Variants in ZFPM2 observed in about 807,000 individuals in gnomAD.
The protein encoded by ZFPM2 is zinc finger protein ZFPM2.
A neutral mutation model predicts 98.6 loss-of-function variants in ZFPM2; 20 were observed. That is an observed-to-expected ratio of 0.20 (90% CI 0.14 to 0.29). The LOEUF (loss-of-function observed/expected upper bound fraction) is 0.29. Ranked by LOEUF, ZFPM2 falls within the 10% of genes least tolerant of loss-of-function variation. The probability of loss-of-function intolerance (pLI) is 1.00; values close to 1 mark genes in which losing one functional copy is unlikely to be tolerated. For synonymous variants in ZFPM2, 518 were observed against 502.7 expected (o/e 1.03, Z -0.41); for missense variants, 1,310 against 1,388.6 (o/e 0.94, Z 0.90).
chr8:105,408,202 A>C (rs1039761222), intron 1 of ZFPM2, among the ~76,000 whole-genome samples: 2 of 151,942 alleles, frequency 1.3e-5, no homozygotes, highest in African/African-American at 4.8e-5. Flanking sequence ...TCCAGAGAGT[A>C]AGTGTTCTTC....
intron 5 of ZFPM2, among the ~76,000 whole-genome samples, chr8:105,682,292 G>A (rs568222309): frequency 2.0e-5 from 3 of 152,084 alleles, no homozygotes; most frequent in Non-Finnish European, 4.4e-5. Context: ...CATCATTCTC[G>A]TGTCATTTGA....
chr8:105,432,747 G>T (rs946346725), intron 2 of ZFPM2, among the ~76,000 whole-genome samples: 6 of 152,108 alleles, frequency 3.9e-5, no homozygotes, highest in African/African-American at 1.4e-4. Context: ...TAGGGGAAGG[G>T]ATAATAAAAA....
intron 3 of ZFPM2, among the ~76,000 whole-genome samples, chr8:105,462,170 G>T (rs6995975): frequency 0.64 from 97,201 of 151,888 alleles, 31,136 homozygotes; most frequent in East Asian, 0.78. Context: ...AACTCATCAT[G>T]TATGTGTCTT....
intron 5 of ZFPM2, among the ~76,000 whole-genome samples, chr8:105,743,745 C>G (rs1449474338): frequency 1.3e-5 from 2 of 152,054 alleles, no homozygotes; most frequent in East Asian, 3.9e-4. Flanking sequence ...AAATGCTCTT[C>G]CTTTAAGTTA....
intron 1 of ZFPM2, among the ~76,000 whole-genome samples, chr8:105,321,948 T>TTA (rs2130644026): frequency 6.6e-6 from 1 of 152,310 alleles, no homozygotes; most frequent in South Asian, 2.1e-4. Flanking sequence ...GATTTCCTGA[T>TTA]AATACAGTGA....
At chr8:105,480,127 G>A (rs185926676) in intron 3 of ZFPM2, among the ~76,000 whole-genome samples, 10 of 152,222 alleles carry the variant, frequency 6.6e-5, no homozygotes, top group South Asian at 4.2e-4. Context: ...TTTCTCATAG[G>A]TAGCTGCTCT....
At position 105,524,804 on chromosome 8, in the gene ZFPM2, C is replaced by T. The variant is rs113788997; in HGVS notation, c.302-36559C>T. Among the ~76,000 whole-genome samples the T allele has an allele frequency of 2.0e-3, 297 of 152,174 alleles. 5 individuals carry two copies. Among genetic ancestry groups the T allele is most frequent in the African/African-American group, 6.6e-3 (272 of 41,526 alleles). On this transcript the variant is annotated intron_variant, in intron 3 of 7. Transcript: ENST00000407775. ...CTGCACAAGTGTCAACTTTCTTTTA[C>T]GGCTCTAAGGGAGAAGGAGCCTCAC... is the stretch of plus-strand genomic sequence containing the variant.
At chr8:105,541,076 G>A (rs77515646) in intron 3 of ZFPM2, among the ~76,000 whole-genome samples, 4,173 of 152,110 alleles carry the variant, frequency 0.027, 197 homozygotes, top group African/African-American at 0.095. Flanking sequence ...ATGATCCCAT[G>A]TCTCAAAATT....
intron 4 of ZFPM2, among the ~76,000 whole-genome samples, chr8:105,580,928 A>G (rs1320205140): frequency 6.6e-6 from 1 of 151,560 alleles, no homozygotes; most frequent in Non-Finnish European, 1.5e-5. Context: ...ATGTTGTGTC[A>G]TGGTGAAAAT....
chr8:105,517,731 A>ACACACACG (rs1366987942), intron 3 of ZFPM2, among the ~76,000 whole-genome samples: 2 of 151,300 alleles, frequency 1.3e-5, no homozygotes, highest in Non-Finnish European at 2.9e-5. Flanking sequence ...ACACACACAC[A>ACACACACG]CACACACACA....
intron 3 of ZFPM2, among the ~76,000 whole-genome samples, chr8:105,500,983 A>G (rs1444071776): frequency 7.0e-6 from 1 of 143,652 alleles, no homozygotes; most frequent in Admixed American, 6.7e-5. Context: ...AGGAGAAACA[A>G]TTAATAAAAG....
chr8:105,597,407 C>T (rs1292818050), intron 4 of ZFPM2, among the ~76,000 whole-genome samples: 2 of 151,914 alleles, frequency 1.3e-5, no homozygotes, highest in African/African-American at 2.4e-5. Flanking sequence ...TATGAAGTTG[C>T]GTGTGTGCAT....
chr8:105,322,962 G>A (rs1026462759), intron 1 of ZFPM2, among the ~76,000 whole-genome samples: 12 of 151,760 alleles, frequency 7.9e-5, no homozygotes, highest in Non-Finnish European at 1.6e-4. Flanking sequence ...GTAGGTTATA[G>A]TCAATATTTT....
At chr8:105,532,488 C>T (rs951164149) in intron 3 of ZFPM2, among the ~76,000 whole-genome samples, 1 of 152,122 alleles carries the variant, frequency 6.6e-6, no homozygotes, top group African/African-American at 2.4e-5. Context: ...GCTCTACAGC[C>T]ATAAGACATG....
At chr8:105,538,712 T>C (rs1290126631) in intron 3 of ZFPM2, among the ~76,000 whole-genome samples, 1 of 152,004 alleles carries the variant, frequency 6.6e-6, no homozygotes, top group Non-Finnish European at 1.5e-5. Context: ...TCATTTTGAA[T>C]TAAAACAATG....
chr8:105,498,641 G>A (rs1044349680), intron 3 of ZFPM2, among the ~76,000 whole-genome samples: 2 of 152,156 alleles, frequency 1.3e-5, no homozygotes, highest in Non-Finnish European at 2.9e-5. Flanking sequence ...CAAAATAGCC[G>A]TAACTTGAGT....
chr8:105,736,579 T>C (rs1016072947), intron 5 of ZFPM2, among the ~76,000 whole-genome samples: 46 of 152,032 alleles, frequency 3.0e-4, no homozygotes, highest in Non-Finnish European at 5.7e-4. Context: ...TGATAACTGT[T>C]CTGACAAATC....
intron 4 of ZFPM2, among the ~76,000 whole-genome samples, chr8:105,628,774 T>A (rs1816704928): frequency 6.6e-6 from 1 of 152,044 alleles, no homozygotes; most frequent in South Asian, 2.1e-4. Context: ...TAAAATCCCC[T>A]GCATTTACCA....
At chr8:105,542,651 G>A (rs1489768045) in intron 3 of ZFPM2, among the ~76,000 whole-genome samples, 1 of 152,108 alleles carries the variant, frequency 6.6e-6, no homozygotes, top group Non-Finnish European at 1.5e-5. Context: ...ACTTGAATGT[G>A]CGTAGATTTT....
Sources: gnomAD v4.1 joint callset for allele counts (sites outside exome capture counted in the v4.1 genomes callset) on GRCh38, gnomAD v4.1.1 for gene constraint, MANE v1.5 for transcripts, NCBI Gene and HGNC (gene_info 2026-07-23, HGNC 2026-07-21) for gene names.